KHDC4: variants seen among roughly 807,000 people sequenced by gnomAD.
KHDC4 encodes KH homology domain-containing protein 4.
A neutral mutation model predicts 74.5 loss-of-function variants in KHDC4; 19 were observed. The ratio of observed to expected loss-of-function variants is 0.26; its 90% CI spans 0.18 to 0.37. The LOEUF (loss-of-function observed/expected upper bound fraction) is 0.37, where lower values mean the gene tolerates loss of function less well. Ranked by LOEUF, KHDC4 falls within the 10% of genes least tolerant of loss-of-function variation. KHDC4 has a pLI of 1.00. For missense variants in KHDC4, 632 were observed against 754.1 expected (o/e 0.84, Z 1.90); for synonymous variants, 253 against 266.1 (o/e 0.95, Z 0.48).
intron 10 of KHDC4, among the ~76,000 whole-genome samples, chr1:155,918,526 A>C (rs1474147642): frequency 1.3e-5 from 2 of 152,206 alleles, no homozygotes; most frequent in African/African-American, 4.8e-5. Context: ...GTCATTTAAC[A>C]AATGTGTACT....
At chr1:155,923,817 GAAAATCACAAAAC>G in intron 7 of KHDC4, 130 bp from the exon 8 acceptor site, 1 of 633,328 alleles carries the variant, frequency 1.6e-6, no homozygotes, top group East Asian at 2.8e-5. Context: ...CTAGGCCTCT[GAAAATCACAAAAC>G]AGAAACACAA....
At chr1:155,924,574 CTTTTT>C (rs550965042) in intron 7 of KHDC4, among the ~76,000 whole-genome samples, 10 of 132,286 alleles carry the variant, frequency 7.6e-5, no homozygotes, top group African/African-American at 1.9e-4. Context: ...AATAATTTCT[CTTTTT>C]TTTTTTTTTT....
Position 155,913,911 on chromosome 1 carries a change from TAATTA to T in KHDC4, c.*205_*209del. 1 of 558,244 alleles carries T rather than the reference TAATTA, an allele frequency of 1.8e-6. No homozygotes were observed. Among genetic ancestry groups the T allele is most frequent in the Non-Finnish European group, 3.2e-6 (1 of 314,330 alleles). The allele number at this position is 558,244 out of a possible 1,614,324, so 34.6% of individuals were successfully genotyped here. ...AGCTTCTGAGATAAATTTGTGATTC[TAATTA>T]AATTTTAACAGATTCTATGCCACTG... is the stretch of plus-strand genomic sequence containing the variant. On this transcript the variant is annotated 3_prime_UTR_variant, in exon 14 of 14. Transcript: ENST00000368321.
At chr1:155,922,876 T>C (rs1673896780) in intron 8 of KHDC4, among the ~76,000 whole-genome samples, 1 of 152,132 alleles carries the variant, frequency 6.6e-6, no homozygotes, top group Non-Finnish European at 1.5e-5. Flanking sequence ...AGGTTGAACA[T>C]ATTCAGTGCA....
At chr1:155,915,707 A>G (rs534679855) in intron 13 of KHDC4, 166 bp downstream of exon 13, 3 of 522,322 alleles carry the variant, frequency 5.7e-6, no homozygotes, top group South Asian at 7.1e-5. Flanking sequence ...GGATTTCACT[A>G]TGTTGGCCAA....
At chr1:155,916,960 A>C in intron 11 of KHDC4, 1 of 388,530 alleles carries the variant, frequency 2.6e-6, no homozygotes, top group Non-Finnish European at 4.6e-6. Flanking sequence ...TATGCTATCT[A>C]TGGCCTGTTT....
rs780694666 is a variant in KHDC4, at chr1:155,933,624, T to C, written c.255+9A>G. Reference sequence around the variant, plus strand: ...TCGCAATTAGTGGAGACCCTTCAACTTCAAATACCTTCTCAGAAGCATTCT... The same window carrying C: ...TCGCAATTAGTGGAGACCCTTCAACCTCAAATACCTTCTCAGAAGCATTCT... On this transcript the variant is annotated intron_variant, in intron 2 of 13. Coordinates refer to ENST00000368321, the MANE Select transcript of KHDC4 (RefSeq NM_014949.4). 3 of 1,588,594 alleles carry C rather than the reference T, an allele frequency of 1.9e-6. No homozygotes were observed. The highest frequency in any genetic ancestry group is 2.6e-6 in the Non-Finnish European group (3 of 1,160,304).
rs887951042 is a variant in KHDC4 at position 155,913,906 on chromosome 1, G to A, written c.*215C>T. 1.3e-5 allele frequency: 7 copies of A among 552,598 alleles called. No homozygotes were observed. In the African/African-American group the frequency reaches 1.3e-4, roughly 10 times the overall value. 34.2% of individuals were successfully genotyped at this position (552,598 alleles called of 1,614,324 possible). Reference sequence around the variant, plus strand: ...TAAAAAGCTTCTGAGATAAATTTGTGATTCTAATTAAATTTTAACAGATTC... The same window carrying A: ...TAAAAAGCTTCTGAGATAAATTTGTAATTCTAATTAAATTTTAACAGATTC... On this transcript the variant is annotated 3_prime_UTR_variant, in exon 14 of 14. Coordinates refer to ENST00000368321, the MANE Select transcript of KHDC4 (RefSeq NM_014949.4).
At chr1:155,921,300 A>T (rs1485328160) in intron 10 of KHDC4, 75 bp downstream of exon 10, 9 of 1,501,840 alleles carry the variant, frequency 6.0e-6, no homozygotes, top group Non-Finnish European at 8.3e-6. Flanking sequence ...TTATTTCTGG[A>T]ATACCACTAC....
intron 4 of KHDC4, among the ~76,000 whole-genome samples, chr1:155,929,083 A>G (rs1307253599): frequency 6.6e-6 from 1 of 152,172 alleles, no homozygotes; most frequent in African/African-American, 2.4e-5. Context: ...TGTTTCCTCC[A>G]ATAAAAACAT....
At position 155,927,118 on chromosome 1, in the gene KHDC4, C is replaced by G; in HGVS notation, c.503G>C (p.Arg168Pro). 1 of 1,613,802 alleles carries G rather than the reference C, an allele frequency of 6.2e-7. No individual in the cohort carries two copies. Among genetic ancestry groups the G allele is most frequent in the Non-Finnish European group, 8.5e-7 (1 of 1,179,802 alleles). Residue 168 changes from arginine to proline, a missense_variant, in exon 5 of 14, where the codon CGG becomes CCG. Arg to Pro is a moderately radical substitution (Grantham distance 103). Coordinates refer to ENST00000368321, the MANE Select transcript of KHDC4 (RefSeq NM_014949.4). Reference sequence around the variant, plus strand: ...ACATTACTTACTGTCCACTAATTCCCGTGTCTGGCCCTGAACATGAAGATA... The same window carrying G: ...ACATTACTTACTGTCCACTAATTCCGGTGTCTGGCCCTGAACATGAAGATA... ...PLYLHVQGQT[R>P]ELVDRAVNRI...
In KHDC4 at chr1:155,921,393, A is replaced by C; in HGVS notation, c.1248T>G (p.Pro416=). Residue 416 remains proline, a synonymous_variant, in exon 10 of 14, where the codon CCT becomes CCG. Coordinates refer to ENST00000368321, the MANE Select transcript of KHDC4 (RefSeq NM_014949.4). ...PTQYPITQVQ[P]PASTGQSPMG... ...ATCCTACCTGTCCAGTGCTAGCTGG[A>C]GGCTGCACTTGTGTTATCGGGTATT... 6.2e-7 allele frequency: 1 copy of C among 1,614,046 alleles called. No individual in the cohort carries two copies. The highest frequency in any genetic ancestry group is 8.5e-7 in the Non-Finnish European group (1 of 1,179,958).
chr1:155,927,027 C>A, intron 5 of KHDC4, 77 bp downstream of exon 5: 1 of 1,448,300 alleles, frequency 6.9e-7, no homozygotes, highest in African/African-American at 1.4e-5. Flanking sequence ...ATCAGGGACA[C>A]TTTGCCAACT....
intron 2 of KHDC4, among the ~76,000 whole-genome samples, chr1:155,931,311 CAGAA>C (rs1026976959): frequency 6.9e-5 from 9 of 130,730 alleles, no homozygotes; most frequent in Admixed American, 2.3e-4. Flanking sequence ...AAAAAAAAGA[CAGAA>C]AGACAGAAAG....
chr1:155,934,359 G>C lies in KHDC4; in HGVS notation c.15C>G (p.Ser5Arg), dbSNP rs547068218. ...ACCCGCCAGCTCCAGGATGTGTCGC[G>C]CTCCCCGCGGACATGGCGACCGCTT... Reference protein sequence around the residue: MSAGSATHPGAGGRR... With the variant: MSAGRATHPGAGGRR... Residue 5 changes from serine (S) to arginine (R), a missense_variant, in exon 1 of 14, where the codon AGC (serine) becomes AGG (arginine). Ser to Arg is a moderately radical substitution (Grantham distance 110, BLOSUM62 -1). Around this residue, in one of 4 missense-constraint regions of KHDC4, gnomAD observed 104 missense variants for 78.1 expected, o/e 1.33. Coordinates refer to ENST00000368321, the MANE Select transcript of KHDC4 (RefSeq NM_014949.4). 5.0e-6 allele frequency: 8 copies of C among 1,610,960 alleles called. No individual in the cohort carries two copies. Among genetic ancestry groups the C allele is most frequent in the South Asian group, 4.4e-5 (4 of 91,014 alleles).
chr1:155,931,835 T>A (rs1234981743), intron 2 of KHDC4, among the ~76,000 whole-genome samples: 2 of 152,220 alleles, frequency 1.3e-5, no homozygotes, highest in African/African-American at 4.8e-5. Context: ...CAATATCACC[T>A]TACCTTTATT....
At chr1:155,915,206 A>C (rs1553229898) in intron 13 of KHDC4, 1 of 147,702 alleles carries the variant, frequency 6.8e-6, no homozygotes, top group Admixed American at 6.8e-5. Context: ...TGCAACCTCC[A>C]CCTCCCAAGT....
chr1:155,918,814 C>T (rs1344258022), intron 10 of KHDC4, among the ~76,000 whole-genome samples: 2 of 152,112 alleles, frequency 1.3e-5, no homozygotes, highest in Non-Finnish European at 2.9e-5. Context: ...ATTGGATCAT[C>T]TTACTTAATC....
At chr1:155,931,898 G>A (rs545368827) in intron 2 of KHDC4, among the ~76,000 whole-genome samples, 5 of 152,132 alleles carry the variant, frequency 3.3e-5, no homozygotes, top group East Asian at 3.9e-4. Context: ...CCTTATGGCC[G>A]CCTTTAATAG....
Sources: gnomAD v4.1 joint callset for allele counts (sites outside exome capture counted in the v4.1 genomes callset) on GRCh38, gnomAD v4.1.1 for gene constraint, gnomAD v4.1.1 regional missense constraint, MANE v1.5 for transcripts, NCBI Gene and HGNC (gene_info 2026-07-23, HGNC 2026-07-21) for gene names.